Variants in GARRE1 observed in about 807,000 individuals in gnomAD.
GARRE1 encodes the protein granule associated Rac and RHOG effector protein 1.
Under a neutral mutation model 103.2 loss-of-function variants are expected in GARRE1, and 49 were observed. The observed-to-expected ratio is 0.47, with a 90% CI of 0.38 to 0.60. The LOEUF (loss-of-function observed/expected upper bound fraction) is 0.60, where lower values mean the gene tolerates loss of function less well. Ranked by LOEUF, GARRE1 falls within the 20% of genes least tolerant of loss-of-function variation. The probability of loss-of-function intolerance (pLI) is 0.00; values close to 1 mark genes in which losing one functional copy is unlikely to be tolerated. For missense variants in GARRE1, 1,199 were observed against 1,370.5 expected (o/e 0.87, Z 1.98); for synonymous variants, 505 against 532.8 (o/e 0.95, Z 0.72).
intron 13 of GARRE1, 120 bp downstream of exon 13, chr19:34,351,712 C>A: frequency 1.4e-6 from 1 of 719,176 alleles, no homozygotes. Context: ...AAATGATTAG[C>A]CACCTCAGCT....
chr19:34,254,787 G>A (rs1263974645), intron 1 of GARRE1, among the ~76,000 whole-genome samples, 173 bp downstream of exon 1: 1 of 149,150 alleles, frequency 6.7e-6, no homozygotes, highest in Non-Finnish European at 1.5e-5. Context: ...CCCCTTGCCC[G>A]CCCGCTGTGG....
At chr19:34,256,100 A>G (rs1047719464) in intron 1 of GARRE1, among the ~76,000 whole-genome samples, 1 of 151,870 alleles carries the variant, frequency 6.6e-6, no homozygotes, top group Non-Finnish European at 1.5e-5. Context: ...CGGCGTTCCA[A>G]AGTGCTGGGA....
intron 1 of GARRE1, among the ~76,000 whole-genome samples, chr19:34,260,184 A>G (rs1179797475): frequency 6.6e-6 from 1 of 152,244 alleles, no homozygotes; most frequent in African/African-American, 2.4e-5. Context: ...CATCACGGCA[A>G]GACCCTCTGC....
intron 1 of GARRE1, among the ~76,000 whole-genome samples, chr19:34,299,258 C>T (rs556897985): frequency 6.6e-6 from 1 of 152,330 alleles, no homozygotes; most frequent in African/African-American, 2.4e-5. Flanking sequence ...TTCCCTTGCC[C>T]TTTGCCCATC....
intron 2 of GARRE1, among the ~76,000 whole-genome samples, chr19:34,317,521 C>A (rs2074065606): frequency 6.6e-6 from 1 of 152,196 alleles, no homozygotes; most frequent in South Asian, 2.1e-4. Context: ...ACTCCCCCTC[C>A]CTGTGTCTGC....
intron 10 of GARRE1, among the ~76,000 whole-genome samples, chr19:34,347,363 T>C (rs1260763550): frequency 6.6e-6 from 1 of 152,156 alleles, no homozygotes; most frequent in African/African-American, 2.4e-5. Flanking sequence ...GTGCTGGGAT[T>C]ACAGGCGTGA....
At chr19:34,348,863 A>G (rs1051802482) in intron 11 of GARRE1, 153 bp from the exon 12 acceptor site, 3 of 797,446 alleles carry the variant, frequency 3.8e-6, no homozygotes, top group Admixed American at 2.3e-5. Context: ...AAATAAGGCA[A>G]AGGAGGAAAA....
At chr19:34,291,656 A>G (rs1193845350) in intron 1 of GARRE1, among the ~76,000 whole-genome samples, 1 of 152,214 alleles carries the variant, frequency 6.6e-6, no homozygotes, top group Non-Finnish European at 1.5e-5. Context: ...CCATTAATCT[A>G]TTCAGGAGGA....
intron 2 of GARRE1, among the ~76,000 whole-genome samples, chr19:34,313,274 C>A (rs1474939561): frequency 1.3e-5 from 2 of 151,906 alleles, no homozygotes; most frequent in African/African-American, 4.8e-5. Context: ...CTGGGGCACT[C>A]CCACATTTAC....
At chr19:34,286,939 T>A (rs113316627) in intron 1 of GARRE1, among the ~76,000 whole-genome samples, 296 of 152,136 alleles carry the variant, frequency 1.9e-3, no homozygotes, top group African/African-American at 7.0e-3. Context: ...AATTATAGCA[T>A]ACATCAGAAT....
At chr19:34,315,426 T>C (rs1568304297) in intron 2 of GARRE1, among the ~76,000 whole-genome samples, 1 of 152,150 alleles carries the variant, frequency 6.6e-6, no homozygotes, top group Admixed American at 6.6e-5. Context: ...GAAAGGGTGG[T>C]CTTGGCTGGG....
At chr19:34,270,578 C>T (rs1246328767) in intron 1 of GARRE1, among the ~76,000 whole-genome samples, 1 of 152,200 alleles carries the variant, frequency 6.6e-6, no homozygotes, top group Non-Finnish European at 1.5e-5. Flanking sequence ...CTAGTCTGCT[C>T]TCTCAGATCT....
intron 1 of GARRE1, among the ~76,000 whole-genome samples, chr19:34,273,844 C>T (rs1007838731): frequency 1.3e-5 from 2 of 151,890 alleles, no homozygotes; most frequent in African/African-American, 4.8e-5. Context: ...GGCCAGGTGG[C>T]GAGAAGGAAG....
intron 2 of GARRE1, among the ~76,000 whole-genome samples, chr19:34,308,238 CTTTTT>C (rs753284001): frequency 3.0e-5 from 3 of 99,500 alleles, no homozygotes; most frequent in Non-Finnish European, 6.3e-5. Flanking sequence ...CATCCTGTTC[CTTTTT>C]TTTTTTTTTT....
At position 34,352,664 on chromosome 19, in the gene GARRE1, G is replaced by A. The variant is rs775350907; in HGVS notation, c.2922G>A (p.Thr974=). The A allele has an allele frequency of 2.0e-5, 32 of 1,608,608 alleles. No individual in the cohort carries two copies. The highest frequency in any genetic ancestry group is 3.3e-5 in the Admixed American group (2 of 59,870). Residue 974 remains threonine (T), a synonymous_variant, in exon 14 of 14, where the codon ACG becomes ACA. Transcript: ENST00000299505. ...TTTCTCAGGATAACAAAACCAAAAC[G>A]TGGCCACCCAAAGCACCCTGGCAGC... ...EDVNQDNKTK[T]WPPKAPWQHP... is the part of the protein sequence containing the mutation.
chr19:34,260,057 A>T (rs2073706472), intron 1 of GARRE1, among the ~76,000 whole-genome samples: 1 of 152,224 alleles, frequency 6.6e-6, no homozygotes, highest in Admixed American at 6.5e-5. Context: ...TAAATTACCT[A>T]GTCTTGGGCA....
chr19:34,316,603 T>G (rs1461647263), intron 2 of GARRE1, among the ~76,000 whole-genome samples: 1 of 152,208 alleles, frequency 6.6e-6, no homozygotes, highest in Middle Eastern at 3.2e-3. Context: ...AAGGTGGTGG[T>G]TATGCATCTG....
At chr19:34,282,691 C>A (rs1223286162) in intron 1 of GARRE1, among the ~76,000 whole-genome samples, 1 of 152,046 alleles carries the variant, frequency 6.6e-6, no homozygotes, top group Non-Finnish European at 1.5e-5. Context: ...TTCAATAGTC[C>A]TCTTGCCTTA....
intron 11 of GARRE1, 190 bp from the exon 12 acceptor site, chr19:34,348,826 G>A: frequency 1.6e-6 from 1 of 629,834 alleles, no homozygotes; most frequent in Non-Finnish European, 2.7e-6. Flanking sequence ...AGGAATAAAG[G>A]GAATTGATGA....
Sources: gnomAD v4.1 joint callset for allele counts (sites outside exome capture counted in the v4.1 genomes callset) on GRCh38, gnomAD v4.1.1 for gene constraint, MANE v1.5 for transcripts, NCBI Gene and HGNC (gene_info 2026-07-23, HGNC 2026-07-21) for gene names.